The following ZWINT variants were observed in gnomAD, a reference collection of about 807,000 sequenced individuals.
The protein encoded by ZWINT is ZW10 interacting kinetochore protein.
In ZWINT, 41 loss-of-function variants were observed where a neutral mutation model predicts 41.5. That is an observed-to-expected ratio of 0.99 (90% CI 0.77 to 1.28). The LOEUF is 1.28. Among genes scored for constraint, ZWINT ranks in the 50% most tolerant of loss-of-function variants. The probability of loss-of-function intolerance (pLI) is 0.00; values close to 1 mark genes in which losing one functional copy is unlikely to be tolerated. For missense variants in ZWINT, 369 were observed against 329.7 expected, an observed-to-expected ratio of 1.12 and a Z score of -0.92; for synonymous variants, 132 against 126.8, an observed-to-expected ratio of 1.04 and a Z score of -0.28.
In ZWINT at chr10:56,361,245, G is replaced by T; in HGVS notation, c.-9C>A. 1 of 1,611,538 alleles carries T rather than the reference G, an allele frequency of 6.2e-7. No homozygotes were observed. On this transcript the variant is annotated 5_prime_UTR_variant, in exon 1 of 9. Coordinates refer to ENST00000373944, the MANE Select transcript of ZWINT (RefSeq NM_007057.4). The stretch of plus-strand genomic sequence containing the variant: ...GTCTCCGCTGCCTCCATCTTTCCAG[G>T]CGCCGAGTTCAGCTGCCTTCCCACA...
rs1838194370 is a variant in ZWINT, at chr10:56,357,519, T to C, written c.*708A>G. On this transcript the variant is annotated 3_prime_UTR_variant, in exon 9 of 9. Transcript: ENST00000373944. ...GTTGATCATCTGATAAAAGTAAGAG[T>C]TGACAAAAAAGGTACATCTTCTCCA... 2 of 151,282 alleles carry C rather than the reference T, an allele frequency of 1.3e-5. No homozygotes were observed. The highest frequency in any genetic ancestry group is 2.4e-5 in the African/African-American group (1 of 41,024). The allele number at this position is 151,282 out of a possible 1,614,324, so 9.4% of individuals were successfully genotyped here.
Position 56,358,949 on chromosome 10 carries a change from T to C in ZWINT, c.481-2A>G. On this transcript the variant is annotated splice_acceptor_variant, in intron 5 of 8. Coordinates refer to ENST00000373944, the MANE Select transcript of ZWINT (RefSeq NM_007057.4). LOFTEE classifies it high-confidence loss of function. The stretch of plus-strand genomic sequence containing the variant: ...CGCCAGATGCTGCAGATGCTTCTCC[T>C]GCCAGGAGTGAGCATGCAGACATTA... 2 of 1,614,002 alleles carry C rather than the reference T, an allele frequency of 1.2e-6. No homozygotes were observed. The highest frequency in any genetic ancestry group is 1.7e-6 in the Non-Finnish European group (2 of 1,179,954).
At chr10:56,359,622 C>G in intron 4 of ZWINT, 65 bp downstream of exon 4, 1 of 1,599,740 alleles carries the variant, frequency 6.3e-7, no homozygotes, top group Non-Finnish European at 8.5e-7. Context: ...ACTCAGCTTG[C>G]TCACTCTTTC....
At position 56,360,726 on chromosome 10, in the gene ZWINT, G is replaced by T. The variant is rs188096764; in HGVS notation, c.42-343C>A. Among the ~76,000 whole-genome samples, 3 of 152,206 alleles carry T rather than the reference G, an allele frequency of 2.0e-5. No homozygotes were observed. The South Asian group carries it at 6.2e-4, about 31-fold the overall frequency. On this transcript the variant is annotated intron_variant, in intron 1 of 8. Coordinates refer to ENST00000373944, the MANE Select transcript of ZWINT (RefSeq NM_007057.4). ...GAAGCCAGGGAGATATGCAAGGAAG[G>T]GGAAGAATGCTGGGCCTTGGGATCC...
Position 56,357,936 on chromosome 10 carries a change from C to A in ZWINT, c.*291G>T. ...ATCATAGGAGGCCCAAGGCCAGTAC[C>A]CCCTCCCCATCTGCACACCCTGTGT... On this transcript the variant is annotated 3_prime_UTR_variant, in exon 9 of 9. Transcript: ENST00000373944. The A allele has an allele frequency of 2.5e-6, 1 of 406,812 alleles. No individual in the cohort carries two copies. Among genetic ancestry groups the A allele is most frequent in the Non-Finnish European group, 4.9e-6 (1 of 202,384 alleles). The allele number at this position is 406,812 out of a possible 1,614,324, so 25.2% of individuals were successfully genotyped here. A position where few individuals can be genotyped will look rare whatever the true frequency, so the allele number is the denominator to read the frequency against.
chr10:56,359,362 A>G, intron 5 of ZWINT, 114 bp downstream of exon 5: 1 of 948,252 alleles, frequency 1.1e-6, no homozygotes, highest in Admixed American at 2.7e-5. Context: ...CCATGTTGGT[A>G]TTTATATTAT....
Position 56,358,407 on chromosome 10 carries a change from C to A in ZWINT, c.*11G>T. 1 of 1,614,088 alleles carries A rather than the reference C, an allele frequency of 6.2e-7. No individual in the cohort carries two copies. Among genetic ancestry groups the A allele is most frequent in the Non-Finnish European group, 8.5e-7 (1 of 1,179,988 alleles). ...CTAGGATCTTTCTCCATGCTGCTGT[C>A]CTCCAGGAAGTCATGGCAAATTTAC... is the stretch of plus-strand genomic sequence containing the variant. On this transcript the variant is annotated 3_prime_UTR_variant, in exon 8 of 9. Transcript: ENST00000373944.
In ZWINT at chr10:56,360,158, C is replaced by T. The variant is rs758073396; in HGVS notation, c.133-17G>A. The stretch of plus-strand genomic sequence containing the variant: ...CTGAGAGTCCTGCTCAGAGGGAGGG[C>T]AGAGACAGGGAACATCCTTACCTCC... On this transcript the variant is annotated splice_polypyrimidine_tract_variant and intron_variant, in intron 2 of 8. Transcript: ENST00000373944. 1 of 1,613,556 alleles carries T rather than the reference C, an allele frequency of 6.2e-7. No homozygotes were observed. The highest frequency in any genetic ancestry group is 8.5e-7 in the Non-Finnish European group (1 of 1,179,944).
At position 56,358,928 on chromosome 10, in the gene ZWINT, A is replaced by G; in HGVS notation, c.500T>C (p.Leu167Pro). 6.2e-7 allele frequency: 1 copy of G among 1,614,124 alleles called. No individual in the cohort carries two copies. The highest frequency in any genetic ancestry group is 8.5e-7 in the Non-Finnish European group (1 of 1,180,030). The change falls in exon 6 of 9, where the codon CTG (leucine) becomes CCG (proline). Residue 167 changes from leucine (L) to proline (P), a missense_variant. By Grantham distance (98) the Leu-to-Pro change is moderately conservative. Transcript: ENST00000373944. ...QLQQEKHLQH[L>P]AEVSAEVRER... ...CCTCACCTCTGCAGAAACCTCCGCC[A>G]GATGCTGCAGATGCTTCTCCTGCCA...
chr10:56,357,299 T>A lies in ZWINT; in HGVS notation c.*928A>T, dbSNP rs1413081781. Reference sequence around the variant, plus strand: ...AAACAGATGATATTCTCTGACCAAATTAAACTTAGATTATCTTCTCACAAT... The same window carrying A: ...AAACAGATGATATTCTCTGACCAAAATAAACTTAGATTATCTTCTCACAAT... On this transcript the variant is annotated 3_prime_UTR_variant, in exon 9 of 9. Transcript: ENST00000373944. 6.6e-6 allele frequency: 1 copy of A among 152,082 alleles called. No individual in the cohort carries two copies. 9.4% of individuals were successfully genotyped at this position (152,082 alleles called of 1,614,324 possible).
intron 1 of ZWINT, among the ~76,000 whole-genome samples, 163 bp from the exon 2 acceptor site, chr10:56,360,546 G>A (rs1309828514): frequency 6.6e-6 from 1 of 152,254 alleles, no homozygotes; most frequent in African/African-American, 2.4e-5. Context: ...TCCACAGCCT[G>A]CAACCAGGAA....
chr10:56,359,506 TC>T lies in ZWINT; in HGVS notation c.449del (p.Arg150LysfsTer25). On this transcript the variant is annotated frameshift_variant, in exon 5 of 9. Transcript: ENST00000373944. LOFTEE classifies it high-confidence loss of function. ...AKKQMAMEKR[R>X]AVQNQWQLQQ... is the part of the protein sequence containing the mutation. ...GTAGCTGCCACTGGTTCTGGACTGC[TC>T]TGCGTTTCTCCATGGCCATTTGTTT... The T allele has an allele frequency of 6.4e-7, 1 of 1,552,008 alleles. No individual in the cohort carries two copies. Among genetic ancestry groups the T allele is most frequent in the South Asian group, 1.3e-5 (1 of 79,630 alleles).
In ZWINT at chr10:56,360,832, G is replaced by A. The variant is rs1564452892; in HGVS notation, c.41+364C>T. Among the ~76,000 whole-genome samples the A allele has an allele frequency of 2.0e-5, 3 of 152,106 alleles. No individual in the cohort carries two copies. In the South Asian group the frequency reaches 6.2e-4, roughly 32 times the overall value. On this transcript the variant is annotated intron_variant, in intron 1 of 8. Transcript: ENST00000373944. The stretch of plus-strand genomic sequence containing the variant: ...CTCAGGGCAGAGGGCTGGATGCCTC[G>A]GTCTACTCTAGGGTTTTTCATTATT...
At position 56,357,423 on chromosome 10, in the gene ZWINT, AAAGG is replaced by A. The variant is rs1175443844; in HGVS notation, c.*800_*803del. On this transcript the variant is annotated 3_prime_UTR_variant, in exon 9 of 9. Transcript: ENST00000373944. ...CTATGAATTGAATGATTGTGAAAAT[AAAGG>A]AAGTCAGAAGAAATGTATAACCTTA... 2 of 152,216 alleles carry A rather than the reference AAAGG, an allele frequency of 1.3e-5. No individual in the cohort carries two copies. The highest frequency in any genetic ancestry group is 1.9e-4 in the East Asian group (1 of 5,206). 9.4% of individuals were successfully genotyped at this position (152,216 alleles called of 1,614,324 possible). A position where few individuals can be genotyped will look rare whatever the true frequency, so the allele number is the denominator to read the frequency against.
chr10:56,358,420 A>G lies in ZWINT; in HGVS notation c.832T>C (p.Ter278ArgextTer12). 1 of 1,614,144 alleles carries G rather than the reference A, an allele frequency of 6.2e-7. No homozygotes were observed. Among genetic ancestry groups the G allele is most frequent in the Non-Finnish European group, 8.5e-7 (1 of 1,180,016 alleles). The change falls in exon 8 of 9, where the codon TGA becomes CGA. Residue 278 changes from the stop codon to arginine (R), a stop_lost. Transcript: ENST00000373944. ...LQPAGDVNLP[*>R] ...CCATGCTGCTGTCCTCCAGGAAGTC[A>G]TGGCAAATTTACATCTCCAGCAGGT...
chr10:56,358,413 G>A lies in ZWINT; in HGVS notation c.*5C>T. The stretch of plus-strand genomic sequence containing the variant: ...TCTTTCTCCATGCTGCTGTCCTCCA[G>A]GAAGTCATGGCAAATTTACATCTCC... On this transcript the variant is annotated 3_prime_UTR_variant, in exon 8 of 9. Coordinates refer to ENST00000373944, the MANE Select transcript of ZWINT (RefSeq NM_007057.4). The A allele has an allele frequency of 2.5e-6, 4 of 1,614,072 alleles. No individual in the cohort carries two copies. The highest frequency in any genetic ancestry group is 3.4e-6 in the Non-Finnish European group (4 of 1,180,012).
chr10:56,358,942 C>T lies in ZWINT; in HGVS notation c.486G>A (p.Lys162=). 2 of 1,614,066 alleles carry T rather than the reference C, an allele frequency of 1.2e-6. No individual in the cohort carries two copies. Among genetic ancestry groups the T allele is most frequent in the Non-Finnish European group, 1.7e-6 (2 of 1,179,978 alleles). Residue 162 remains lysine, a synonymous_variant, in exon 6 of 9, where the codon AAG becomes AAA. Transcript: ENST00000373944. Reference sequence around the variant, plus strand: ...AAACCTCCGCCAGATGCTGCAGATGCTTCTCCTGCCAGGAGTGAGCATGCA... The same window carrying T: ...AAACCTCCGCCAGATGCTGCAGATGTTTCTCCTGCCAGGAGTGAGCATGCA... ...VQNQWQLQQE[K]HLQHLAEVSA...
chr10:56,361,070 G>A lies in ZWINT; in HGVS notation c.41+126C>T, dbSNP rs111383243. The A allele has an allele frequency of 7.7e-6, 8 of 1,035,960 alleles. No homozygotes were observed. The South Asian group carries it at 1.1e-4, about 14-fold the overall frequency. The allele number at this position is 1,035,960 out of a possible 1,614,324, so 64.2% of individuals were successfully genotyped here. The stretch of plus-strand genomic sequence containing the variant: ...GAACCTAAGACGGGACTGCGGTGAG[G>A]ATCACTTCACGGCAGGGTCGAACCT... On this transcript the variant is annotated intron_variant, in intron 1 of 8. Transcript: ENST00000373944.
At position 56,360,751 on chromosome 10, in the gene ZWINT, C is replaced by A. The variant is rs957734474; in HGVS notation, c.42-368G>T. Among the ~76,000 whole-genome samples the A allele has an allele frequency of 3.3e-5, 5 of 152,272 alleles. No individual in the cohort carries two copies. The East Asian group carries it at 9.7e-4, about 29-fold the overall frequency. On this transcript the variant is annotated intron_variant, in intron 1 of 8. Coordinates refer to ENST00000373944, the MANE Select transcript of ZWINT (RefSeq NM_007057.4). ...GGGAAGAATGCTGGGCCTTGGGATCCCTCCTGGCGCTGAGCACCAGCCTTG... is the reference window on the plus strand; with the variant it reads ...GGGAAGAATGCTGGGCCTTGGGATCACTCCTGGCGCTGAGCACCAGCCTTG...
Sources: gnomAD v4.1 joint callset for allele counts (sites outside exome capture counted in the v4.1 genomes callset) on GRCh38, gnomAD v4.1.1 for gene constraint, MANE v1.5 for transcripts, NCBI Gene and HGNC (gene_info 2026-07-23, HGNC 2026-07-21) for gene names.